Variants in GLI2 observed in about 807,000 individuals in gnomAD.
GLI2 encodes the protein transcription activator GLI2.
Under a neutral mutation model 78.9 loss-of-function variants are expected in GLI2, and 22 were observed. That is an observed-to-expected ratio of 0.28 (90% CI 0.20 to 0.40). The LOEUF is 0.40. GLI2 is among the 10% of genes least tolerant of loss of function. The probability of loss-of-function intolerance (pLI) is 1.00; values close to 1 mark genes in which losing one functional copy is unlikely to be tolerated. For synonymous variants in GLI2, 974 were observed against 963.7 expected, an observed-to-expected ratio of 1.01 and a Z score of -0.20; for missense variants, 2,097 against 2,213.2, an observed-to-expected ratio of 0.95 and a Z score of 1.05.
intron 2 of GLI2, among the ~76,000 whole-genome samples, chr2:120,907,766 AAC>A (rs754833910): frequency 1.3e-5 from 2 of 151,736 alleles, no homozygotes; most frequent in African/African-American, 2.4e-5. Context: ...TAACCCCCCC[AAC>A]ACACACACAC....
intron 3 of GLI2, among the ~76,000 whole-genome samples, chr2:120,931,792 C>A (rs1679954882): frequency 1.3e-5 from 2 of 152,298 alleles, no homozygotes; most frequent in African/African-American, 2.4e-5. Flanking sequence ...TCCGTGAGGG[C>A]AAGGAGACCA....
At chr2:120,837,386 T>C in intron 2 of GLI2, among the ~76,000 whole-genome samples, 3 of 114,102 alleles carry the variant, frequency 2.6e-5, no homozygotes, top group Admixed American at 1.0e-4. Flanking sequence ...AGAGCGAGAC[T>C]CCATCTCAAA....
chr2:120,818,597 C>G (rs1488565829), intron 2 of GLI2, among the ~76,000 whole-genome samples: 6 of 152,168 alleles, frequency 3.9e-5, no homozygotes, highest in African/African-American at 1.4e-4. Context: ...CCCCAAACCC[C>G]ACTCCCAACA....
intron 2 of GLI2, among the ~76,000 whole-genome samples, chr2:120,820,361 G>C (rs1685705669): frequency 6.6e-6 from 1 of 152,198 alleles, no homozygotes; most frequent in African/African-American, 2.4e-5. Context: ...CTTTCATCCA[G>C]CTGGACGCCG....
At chr2:120,741,629 G>A (rs1682546251) in intron 1 of GLI2, among the ~76,000 whole-genome samples, 1 of 143,212 alleles carries the variant, frequency 7.0e-6, no homozygotes, top group African/African-American at 2.5e-5. Flanking sequence ...CCCCGCCCCC[G>A]CCGTCTGGAC....
intron 2 of GLI2, among the ~76,000 whole-genome samples, chr2:120,812,898 C>T (rs1230951123): frequency 1.3e-5 from 2 of 152,148 alleles, no homozygotes; most frequent in Non-Finnish European, 2.9e-5. Context: ...GCAGTGAGGG[C>T]GAGAGTCTTC....
At chr2:120,965,682 G>A (rs776001282) in intron 5 of GLI2, among the ~76,000 whole-genome samples, 4 of 142,832 alleles carry the variant, frequency 2.8e-5, no homozygotes, top group African/African-American at 5.2e-5. Context: ...CAGGTGCTGC[G>A]GCAGAGGGGC....
At chr2:120,739,821 G>C (rs1261272440) in intron 1 of GLI2, among the ~76,000 whole-genome samples, 1 of 152,226 alleles carries the variant, frequency 6.6e-6, no homozygotes, top group Non-Finnish European at 1.5e-5. Flanking sequence ...GGCAGAATAG[G>C]TGATTGTACC....
At chr2:120,908,364 C>T (rs1408648899) in intron 2 of GLI2, among the ~76,000 whole-genome samples, 2 of 152,190 alleles carry the variant, frequency 1.3e-5, no homozygotes, top group South Asian at 2.1e-4. Flanking sequence ...GTGGCATCCT[C>T]GCCTCCCCTC....
intron 3 of GLI2, among the ~76,000 whole-genome samples, chr2:120,944,038 CCGTCCAGGTACACAT>C (rs1680588861): frequency 6.6e-6 from 1 of 152,230 alleles, no homozygotes; most frequent in African/African-American, 2.4e-5. Flanking sequence ...AAGCTACACA[CCGTCCAGGTACACAT>C]CCCCCATCAT....
intron 2 of GLI2, among the ~76,000 whole-genome samples, chr2:120,878,430 A>G (rs948028708): frequency 2.6e-5 from 4 of 152,258 alleles, no homozygotes; most frequent in African/African-American, 9.6e-5. Context: ...ACTTGGCTGA[A>G]TAAAGGGGAA....
intron 1 of GLI2, among the ~76,000 whole-genome samples, chr2:120,738,905 G>A (rs1023510212): frequency 1.3e-5 from 2 of 152,178 alleles, no homozygotes; most frequent in South Asian, 2.1e-4. Flanking sequence ...TGGAGTTAGC[G>A]AGGCCCTTGT....
intron 2 of GLI2, among the ~76,000 whole-genome samples, chr2:120,888,073 C>G (rs1189069562): frequency 6.6e-6 from 1 of 152,224 alleles, no homozygotes; most frequent in Non-Finnish European, 1.5e-5. Flanking sequence ...CCTTCCCCAG[C>G]TGAGCCTTGC....
intron 2 of GLI2, among the ~76,000 whole-genome samples, chr2:120,877,257 A>G (rs1688800586): frequency 6.6e-6 from 1 of 152,182 alleles, no homozygotes; most frequent in Non-Finnish European, 1.5e-5. Flanking sequence ...GACCCAATGC[A>G]CAGACCCTGG....
At chr2:120,977,533 G>A (rs1296749583) in intron 9 of GLI2, among the ~76,000 whole-genome samples, 1 of 152,160 alleles carries the variant, frequency 6.6e-6, no homozygotes, top group African/African-American at 2.4e-5. Context: ...AGACAGTGTG[G>A]GTCTAGAGGT....
At chr2:120,819,286 C>T (rs1178380720) in intron 2 of GLI2, among the ~76,000 whole-genome samples, 1 of 134,888 alleles carries the variant, frequency 7.4e-6, no homozygotes, top group Non-Finnish European at 1.5e-5. Context: ...GTTGTCCAAG[C>T]TGGAGTGCAA....
Position 120,784,227 on chromosome 2 carries a change from A to T in GLI2, c.-30-13064A>T, listed in dbSNP as rs1165429293. ...CATCCAGTGGAACAGGCAGTGAAGC[A>T]CACTGTAGAAGCTTCACCCAGTGCT... On this transcript the variant is annotated intron_variant, in intron 1 of 13. Coordinates refer to ENST00000361492, the MANE Select transcript of GLI2 (RefSeq NM_001374353.1). 5.9e-5 allele frequency among the ~76,000 whole-genome samples: 9 copies of T among 152,334 alleles called. No individual in the cohort carries two copies. In the East Asian group the frequency reaches 1.5e-3, roughly 26 times the overall value.
intron 8 of GLI2, among the ~76,000 whole-genome samples, chr2:120,973,618 C>G (rs924333050): frequency 1.3e-5 from 2 of 152,190 alleles, no homozygotes; most frequent in African/African-American, 4.8e-5. Context: ...TCCACTCTCC[C>G]CATGGTCTCA....
In GLI2 at chr2:120,800,824, G is replaced by C. The variant is rs1317732870; in HGVS notation, c.148+3356G>C. 6.6e-6 allele frequency among the ~76,000 whole-genome samples: 1 copy of C among 152,146 alleles called. No individual in the cohort carries two copies. The highest frequency in any genetic ancestry group is 2.4e-5 in the African/African-American group (1 of 41,424). On this transcript the variant is annotated intron_variant, in intron 2 of 13. Coordinates refer to ENST00000361492, the MANE Select transcript of GLI2 (RefSeq NM_001374353.1). The surrounding 1 kb of genome is among the most constrained non-coding windows in gnomAD (Gnocchi z 4.1). ...CCCGGCCGAAAGGGATGACTTATACGAGCTTAGTGTTTCCTGACTTATTAC... is the reference window on the plus strand; with the variant it reads ...CCCGGCCGAAAGGGATGACTTATACCAGCTTAGTGTTTCCTGACTTATTAC...
Sources: allele counts gnomAD v4.1 joint callset (sites outside exome capture counted in the v4.1 genomes callset), GRCh38; gene constraint gnomAD v4.1.1; non-coding constraint Gnocchi (gnomAD v3.1); transcripts MANE v1.5; gene names NCBI Gene and HGNC (gene_info 2026-07-23, HGNC 2026-07-21).